EYA1: variants seen among roughly 807,000 people sequenced by gnomAD.
The protein encoded by EYA1 is protein phosphatase EYA1.
A neutral mutation model predicts 82.0 loss-of-function variants in EYA1; 16 were observed. The observed-to-expected ratio is 0.20, with a 90% CI of 0.13 to 0.30. The LOEUF is 0.30. Ranked by LOEUF, EYA1 falls within the 10% of genes least tolerant of loss-of-function variation. The probability of loss-of-function intolerance (pLI) is 1.00; values close to 1 mark genes in which losing one functional copy is unlikely to be tolerated. For missense variants in EYA1, 633 were observed against 730.7 expected, an observed-to-expected ratio of 0.87 and a Z score of 1.54; for synonymous variants, 261 against 264.4, an observed-to-expected ratio of 0.99 and a Z score of 0.12.
chr8:71,301,239 AT>A (rs1485093029), intron 7 of EYA1, among the ~76,000 whole-genome samples: 3 of 152,172 alleles, frequency 2.0e-5, no homozygotes, highest in African/African-American at 7.2e-5. Flanking sequence ...CCAGTTCATC[AT>A]TTATGAGCTA....
intron 9 of EYA1, among the ~76,000 whole-genome samples, chr8:71,274,429 T>C (rs1346354094): frequency 2.0e-5 from 3 of 152,206 alleles, no homozygotes; most frequent in African/African-American, 7.2e-5. Flanking sequence ...TCTAATCCAC[T>C]GACAGCTCAT....
chr8:71,289,222 G>T (rs957782058), intron 9 of EYA1, among the ~76,000 whole-genome samples: 2 of 152,202 alleles, frequency 1.3e-5, no homozygotes, highest in Non-Finnish European at 2.9e-5. Flanking sequence ...TACAGGGGAA[G>T]CACGGAGTGA....
chr8:71,335,076 G>A (rs1824329890), intron 3 of EYA1, among the ~76,000 whole-genome samples: 3 of 152,144 alleles, frequency 2.0e-5, no homozygotes, highest in Admixed American at 1.3e-4. Context: ...TACTGGTGAA[G>A]TGCCATCATC....
chr8:71,422,863 G>C (rs1213736878), intron 2 of EYA1, among the ~76,000 whole-genome samples: 1 of 152,140 alleles, frequency 6.6e-6, no homozygotes, highest in Non-Finnish European at 1.5e-5. Context: ...AACACATGGG[G>C]ATTATGGGAT....
intron 12 of EYA1, among the ~76,000 whole-genome samples, chr8:71,218,499 C>T (rs770636689): frequency 2.9e-4 from 44 of 152,120 alleles, no homozygotes; most frequent in Non-Finnish European, 1.6e-4. Context: ...TCTCCCAGCA[C>T]GCAGCAAGTT....
At chr8:71,394,630 T>C (rs942665819) in intron 2 of EYA1, among the ~76,000 whole-genome samples, 2 of 151,876 alleles carry the variant, frequency 1.3e-5, no homozygotes, top group African/African-American at 2.4e-5. Context: ...CCGGGGGATC[T>C]ATTCTGTTCT....
chr8:71,518,551 G>A (rs1034811946), intron 2 of EYA1, among the ~76,000 whole-genome samples: 2 of 152,068 alleles, frequency 1.3e-5, no homozygotes, highest in African/African-American at 4.8e-5. Flanking sequence ...TATCTACCAT[G>A]CACTCGGCCT....
intron 2 of EYA1, among the ~76,000 whole-genome samples, chr8:71,384,798 C>A (rs1165501103): frequency 1.3e-5 from 2 of 152,220 alleles, no homozygotes; most frequent in Non-Finnish European, 2.9e-5. Flanking sequence ...TCGTTACATT[C>A]ACTGTAGATG....
At chr8:71,451,893 A>G (rs1807409532) in intron 2 of EYA1, among the ~76,000 whole-genome samples, 1 of 152,230 alleles carries the variant, frequency 6.6e-6, no homozygotes, top group Admixed American at 6.5e-5. Flanking sequence ...TATCAGGTTC[A>G]TCTCACTGGG....
chr8:71,322,262 C>T lies in EYA1; in HGVS notation c.209G>A (p.Gly70Glu), dbSNP rs1822654842. 1 of 1,613,596 alleles carries T rather than the reference C, an allele frequency of 6.2e-7. No homozygotes were observed. The highest frequency in any genetic ancestry group is 1.7e-5 in the Admixed American group (1 of 59,988). ...SLNNFSGSAIGSSSFSPRPTH... is the reference protein window; with the variant it reads ...SLNNFSGSAIESSSFSPRPTH... ...TGGTCGTGGGCTGAAACTACTGCTC[C>T]CAATTGCTGGAAAACAAAAACAAAA... The change falls in exon 5 of 18, where the codon GGG becomes GAG. Residue 70 changes from glycine (G) to glutamate (E), a missense_variant. Coordinates refer to ENST00000340726, the MANE Select transcript of EYA1 (RefSeq NM_000503.6).
intron 12 of EYA1, among the ~76,000 whole-genome samples, chr8:71,239,476 G>A (rs1010886859): frequency 5.9e-5 from 9 of 152,176 alleles, no homozygotes; most frequent in Admixed American, 5.2e-4. Flanking sequence ...CATTCTGAGT[G>A]TTATAAGGGA....
chr8:71,503,277 C>T (rs975568288), intron 2 of EYA1, among the ~76,000 whole-genome samples: 9 of 151,924 alleles, frequency 5.9e-5, no homozygotes, highest in Non-Finnish European at 4.4e-5. Flanking sequence ...AGGTGGATCA[C>T]GAGGTCAAGG....
At chr8:71,528,213 A>G (rs968890065) in intron 2 of EYA1, among the ~76,000 whole-genome samples, 1 of 152,166 alleles carries the variant, frequency 6.6e-6, no homozygotes, top group Admixed American at 6.5e-5. Flanking sequence ...ATCAGCCACA[A>G]GCAATTTTCA....
At chr8:71,547,728 T>C (rs2129297666) in intron 1 of EYA1, 1 of 151,322 alleles carries the variant, frequency 6.6e-6, no homozygotes, top group South Asian at 2.1e-4. Flanking sequence ...CGTCTCCTCG[T>C]CACGGCAACC....
upstream of EYA1, chr8:71,362,320 C>A (rs1446573197): frequency 4.5e-5 from 24 of 533,382 alleles, no homozygotes; most frequent in Non-Finnish European, 5.5e-5. Context: ...ACGCGCCCCA[C>A]GCTATCTGAA....
At chr8:71,269,872 C>T in intron 10 of EYA1, 49 bp from the exon 11 acceptor site, 1 of 1,448,356 alleles carries the variant, frequency 6.9e-7, no homozygotes, top group Non-Finnish European at 9.7e-7. Flanking sequence ...GCTGAGAAAG[C>T]TGTTATTCAG....
chr8:71,255,928 A>G (rs536629671), intron 11 of EYA1, among the ~76,000 whole-genome samples: 12 of 152,182 alleles, frequency 7.9e-5, no homozygotes, highest in Non-Finnish European at 1.5e-4. Context: ...AAGTTATACA[A>G]ATGGTCAAAA....
At chr8:71,510,925 T>G (rs551920436) in intron 2 of EYA1, among the ~76,000 whole-genome samples, 1 of 152,344 alleles carries the variant, frequency 6.6e-6, no homozygotes, top group South Asian at 2.1e-4. Flanking sequence ...TATTTTTTTG[T>G]TTCTTTTTAA....
In EYA1 at chr8:71,299,623, G is replaced by A. The variant is rs767742563; in HGVS notation, c.639+15C>T. 6.9e-6 allele frequency: 10 copies of A among 1,442,368 alleles called. No homozygotes were observed. The South Asian group carries it at 9.1e-5, about 13-fold the overall frequency. The allele number at this position is 1,442,368 out of a possible 1,614,324, so 89.3% of individuals were successfully genotyped here. Reference sequence around the variant, plus strand: ...AAAGATATTTTTCAGAAGTTAAACTGGCTTTTTAAATTACCTGCTGTGAAC... The same window carrying A: ...AAAGATATTTTTCAGAAGTTAAACTAGCTTTTTAAATTACCTGCTGTGAAC... On this transcript the variant is annotated intron_variant, in intron 8 of 17. Coordinates refer to ENST00000340726, the MANE Select transcript of EYA1 (RefSeq NM_000503.6).
Sources: gnomAD v4.1 joint callset for allele counts (sites outside exome capture counted in the v4.1 genomes callset) on GRCh38, gnomAD v4.1.1 for gene constraint, MANE v1.5 for transcripts, NCBI Gene and HGNC (gene_info 2026-07-23, HGNC 2026-07-21) for gene names.